CA10: variants seen among roughly 807,000 people sequenced by gnomAD.
CA10 encodes the protein carbonic anhydrase 10 (inactive).
A neutral mutation model predicts 44.2 loss-of-function variants in CA10; 14 were observed. That is an observed-to-expected ratio of 0.32 (90% CI 0.21 to 0.50). CA10 has a LOEUF of 0.50. Ranked by LOEUF, CA10 falls within the 20% of genes least tolerant of loss-of-function variation. The probability of loss-of-function intolerance (pLI) is 0.99; values close to 1 mark genes in which losing one functional copy is unlikely to be tolerated. For missense variants in CA10, 350 were observed against 409.7 expected (o/e 0.85, Z 1.26); for synonymous variants, 159 against 141.6 (o/e 1.12, Z -0.87).
At chr17:51,727,695 AT>A (rs894207541) in intron 4 of CA10, among the ~76,000 whole-genome samples, 2 of 152,168 alleles carry the variant, frequency 1.3e-5, no homozygotes, top group African/African-American at 2.4e-5. Context: ...TGCTTCATTA[AT>A]TTTTTTAAAG....
chr17:51,901,210 C>T (rs970426544), intron 3 of CA10, among the ~76,000 whole-genome samples: 4 of 151,844 alleles, frequency 2.6e-5, no homozygotes, highest in African/African-American at 9.7e-5. Flanking sequence ...CCCTTTGATG[C>T]CTGTGGGTGT....
At chr17:51,844,754 G>T (rs1023110374) in intron 3 of CA10, among the ~76,000 whole-genome samples, 1 of 152,156 alleles carries the variant, frequency 6.6e-6, no homozygotes, top group Non-Finnish European at 1.5e-5. Flanking sequence ...CTTCTTGAGT[G>T]TGGCCTGGAC....
At chr17:51,998,069 G>C (rs1171520256) in intron 2 of CA10, among the ~76,000 whole-genome samples, 1 of 152,070 alleles carries the variant, frequency 6.6e-6, no homozygotes, top group Non-Finnish European at 1.5e-5. Flanking sequence ...CAAGGTAAAA[G>C]ATAGGTCGCC....
intron 4 of CA10, among the ~76,000 whole-genome samples, chr17:51,690,298 C>A (rs1456160005): frequency 6.6e-6 from 1 of 152,164 alleles, no homozygotes; most frequent in Non-Finnish European, 1.5e-5. Flanking sequence ...TAACTATAGT[C>A]ATCATGTACA....
chr17:52,157,043 G>C (rs1352509798), intron 1 of CA10, among the ~76,000 whole-genome samples: 1 of 152,180 alleles, frequency 6.6e-6, no homozygotes, highest in East Asian at 1.9e-4. Context: ...TAAAAGCACA[G>C]ACAGGCCCAA....
At chr17:51,821,068 C>T (rs1174250258) in intron 3 of CA10, among the ~76,000 whole-genome samples, 3 of 103,864 alleles carry the variant, frequency 2.9e-5, no homozygotes. Context: ...TCCCTCTCTC[C>T]CTTCCTTCCT....
intron 2 of CA10, among the ~76,000 whole-genome samples, chr17:51,956,620 G>C (rs1283153541): frequency 6.6e-6 from 1 of 152,130 alleles, no homozygotes; most frequent in African/African-American, 2.4e-5. Flanking sequence ...GCAAAAACAG[G>C]AAGTGGATCT....
chr17:51,729,134 C>T (rs1916625965), intron 4 of CA10, among the ~76,000 whole-genome samples: 1 of 152,226 alleles, frequency 6.6e-6, no homozygotes, highest in African/African-American at 2.4e-5. Flanking sequence ...CTGGCCCACA[C>T]AATCTGCACA....
intron 3 of CA10, among the ~76,000 whole-genome samples, chr17:51,755,950 C>A (rs1419496002): frequency 6.6e-6 from 1 of 152,130 alleles, no homozygotes; most frequent in Non-Finnish European, 1.5e-5. Flanking sequence ...TCATAATGTC[C>A]TTTTTATTTA....
intron 2 of CA10, among the ~76,000 whole-genome samples, chr17:52,000,443 G>A (rs1432829868): frequency 6.6e-6 from 1 of 152,076 alleles, no homozygotes; most frequent in Non-Finnish European, 1.5e-5. Context: ...TGGATCTGGA[G>A]ACCTCAAGAT....
At chr17:52,078,844 G>A (rs1987887191) in intron 1 of CA10, among the ~76,000 whole-genome samples, 1 of 152,126 alleles carries the variant, frequency 6.6e-6, no homozygotes, top group South Asian at 2.1e-4. Context: ...TACAACACCC[G>A]GAAGGTATTT....
Position 51,633,609 on chromosome 17 carries a change from C to G in CA10, c.831G>C (p.Gln277His), listed in dbSNP as rs938814454. The change falls in exon 8 of 9, where the codon CAG (glutamine) becomes CAC (histidine). Residue 277 changes from glutamine (Q) to histidine (H), a missense_variant. Transcript: ENST00000451037. Reference sequence around the variant, plus strand: ...AGTTGTCACTCATGCTCAGAAAGATCTGAGATGGCTGGTTCTGGCTGAGCA... The same window carrying G: ...AGTTGTCACTCATGCTCAGAAAGATGTGAGATGGCTGGTTCTGGCTGAGCA... ...LRLLSQNQPSQIFLSMSDNFR... is the reference protein window; with the variant it reads ...LRLLSQNQPSHIFLSMSDNFR... 5 of 1,613,788 alleles carry G rather than the reference C, an allele frequency of 3.1e-6. No individual in the cohort carries two copies. The highest frequency in any genetic ancestry group is 4.2e-6 in the Non-Finnish European group (5 of 1,179,896).
chr17:51,751,138 G>A (rs1352025695), intron 3 of CA10, among the ~76,000 whole-genome samples: 1 of 152,132 alleles, frequency 6.6e-6, no homozygotes, highest in Admixed American at 6.5e-5. Flanking sequence ...GAAACAAATA[G>A]CAAAATGACA....
At chr17:52,093,475 C>T (rs1023161669) in intron 1 of CA10, among the ~76,000 whole-genome samples, 1 of 152,134 alleles carries the variant, frequency 6.6e-6, no homozygotes, top group Non-Finnish European at 1.5e-5. Flanking sequence ...TGAATTGAAA[C>T]AACTCTTCCT....
chr17:51,968,714 A>T (rs1984170233), intron 2 of CA10, among the ~76,000 whole-genome samples: 1 of 151,950 alleles, frequency 6.6e-6, no homozygotes, highest in African/African-American at 2.4e-5. Context: ...TTGTACATAA[A>T]TAAAAAATAA....
intron 6 of CA10, among the ~76,000 whole-genome samples, chr17:51,636,775 TTGTGTGTGTGTGTGTG>T (rs57428535): frequency 6.8e-6 from 1 of 146,512 alleles, no homozygotes; most frequent in Non-Finnish European, 1.5e-5. Flanking sequence ...ACTGATTATT[TTGTGTGTGTGTGTGTG>T]TGTGTGTGTG....
At chr17:51,771,511 C>T (rs1905611508) in intron 3 of CA10, among the ~76,000 whole-genome samples, 1 of 152,146 alleles carries the variant, frequency 6.6e-6, no homozygotes. Context: ...CCCAGCATTG[C>T]CTACTCTCTG....
chr17:52,041,852 T>C (rs769227401), intron 2 of CA10, among the ~76,000 whole-genome samples: 2 of 152,148 alleles, frequency 1.3e-5, no homozygotes, highest in Non-Finnish European at 2.9e-5. Context: ...TGTCTTTCTA[T>C]GTCTGGCTTG....
At chr17:52,155,258 G>A (rs1288727929) in intron 1 of CA10, among the ~76,000 whole-genome samples, 1 of 152,136 alleles carries the variant, frequency 6.6e-6, no homozygotes, top group Non-Finnish European at 1.5e-5. Context: ...TGCTAAAGAG[G>A]TGCTTTGTTT....
Sources: gnomAD v4.1 joint callset for allele counts (sites outside exome capture counted in the v4.1 genomes callset) on GRCh38, gnomAD v4.1.1 for gene constraint, MANE v1.5 for transcripts, NCBI Gene and HGNC (gene_info 2026-07-23, HGNC 2026-07-21) for gene names.